The following RAP1GDS1 variants were observed in gnomAD, a reference collection of about 807,000 sequenced individuals.
The protein encoded by RAP1GDS1 is RAP1, GTP-GDP dissociation stimulator 1.
Under a neutral mutation model 71.1 loss-of-function variants are expected in RAP1GDS1, and 35 were observed. That is an observed-to-expected ratio of 0.49 (90% CI 0.38 to 0.65). RAP1GDS1 has a LOEUF of 0.65. Ranked by LOEUF, RAP1GDS1 falls within the 30% of genes least tolerant of loss-of-function variation. The pLI, the probability that RAP1GDS1 is intolerant of heterozygous loss-of-function variation, is 0.00. For missense variants in RAP1GDS1, 663 were observed against 706.1 expected (o/e 0.94, Z 0.69); for synonymous variants, 229 against 243.1 (o/e 0.94, Z 0.54).
intron 6 of RAP1GDS1, among the ~76,000 whole-genome samples, chr4:98,393,870 A>ATGTT (rs1416161661): frequency 6.6e-6 from 1 of 152,154 alleles, no homozygotes; most frequent in Non-Finnish European, 1.5e-5. Context: ...AAATATTAAA[A>ATGTT]TGTTTACTTT....
intron 3 of RAP1GDS1, among the ~76,000 whole-genome samples, chr4:98,343,777 A>G (rs1373420287): frequency 6.6e-6 from 1 of 152,184 alleles, no homozygotes; most frequent in East Asian, 1.9e-4. Flanking sequence ...TAATGACAAC[A>G]AAGTTTAGAT....
chr4:98,429,395 G>A (rs1750083908), intron 12 of RAP1GDS1, among the ~76,000 whole-genome samples: 1 of 152,128 alleles, frequency 6.6e-6, no homozygotes, highest in Non-Finnish European at 1.5e-5. Context: ...CTGACTCAGG[G>A]GTGGAAACCC....
chr4:98,293,537 C>A, intron 2 of RAP1GDS1, 22 bp downstream of exon 2: 1 of 1,544,794 alleles, frequency 6.5e-7, no homozygotes, highest in African/African-American at 1.4e-5. Context: ...TATGTTTACT[C>A]AAATTCCAAA....
At chr4:98,336,773 C>T (rs984876284) in intron 2 of RAP1GDS1, among the ~76,000 whole-genome samples, 12 of 152,102 alleles carry the variant, frequency 7.9e-5, no homozygotes, top group Admixed American at 7.9e-4. Flanking sequence ...CCACTGCAAA[C>T]ACTTTCATTT....
chr4:98,279,031 G>A (rs1724649247), intron 1 of RAP1GDS1, among the ~76,000 whole-genome samples: 1 of 152,074 alleles, frequency 6.6e-6, no homozygotes, highest in Non-Finnish European at 1.5e-5. Context: ...GATCATCCTG[G>A]CTGACATAGT....
chr4:98,269,264 A>G (rs904697713), intron 1 of RAP1GDS1, among the ~76,000 whole-genome samples: 5 of 152,008 alleles, frequency 3.3e-5, no homozygotes, highest in African/African-American at 1.2e-4. Flanking sequence ...AGATACCCAC[A>G]TACTGAAGAA....
At chr4:98,325,441 T>A (rs1316747361) in intron 2 of RAP1GDS1, among the ~76,000 whole-genome samples, 2 of 151,832 alleles carry the variant, frequency 1.3e-5, no homozygotes, top group Admixed American at 6.6e-5. Flanking sequence ...CAAATGACTA[T>A]AAATCATGCT....
intron 5 of RAP1GDS1, 150 bp from the exon 6 acceptor site, chr4:98,391,802 A>T (rs1398793135): frequency 1.3e-6 from 1 of 761,834 alleles, no homozygotes; most frequent in Non-Finnish European, 2.0e-6. Context: ...TGTTCAACAC[A>T]ATCATATGAA....
At position 98,437,765 on chromosome 4, in the gene RAP1GDS1, C is replaced by G. The variant is rs542512171; in HGVS notation, c.1696+697C>G. Among the ~76,000 whole-genome samples, 17 of 148,320 alleles carry G rather than the reference C, an allele frequency of 1.1e-4. No individual in the cohort carries two copies. The East Asian group carries it at 3.3e-3, about 29-fold the overall frequency. ...GAGATTGTGCCACTGTACTTCCAGA[C>G]TAGGCAACAGAACAAGACTCTGTCT... On this transcript the variant is annotated intron_variant, in intron 14 of 14. Transcript: ENST00000408927.
intron 4 of RAP1GDS1, among the ~76,000 whole-genome samples, chr4:98,376,954 G>A (rs967748204): frequency 1.6e-4 from 24 of 151,882 alleles, no homozygotes; most frequent in Admixed American, 4.6e-4. Context: ...TGTTGAATAA[G>A]TTTGTATTTT....
chr4:98,281,022 A>G (rs528057446), intron 1 of RAP1GDS1, among the ~76,000 whole-genome samples: 1 of 152,264 alleles, frequency 6.6e-6, no homozygotes, highest in South Asian at 2.1e-4. Context: ...GCCTTGTAGT[A>G]TAGTTTGAAG....
In RAP1GDS1 at chr4:98,392,030, C is replaced by G. The variant is rs766000610; in HGVS notation, c.587C>G (p.Ala196Gly). The G allele has an allele frequency of 6.2e-7, 1 of 1,612,676 alleles. No homozygotes were observed. Among genetic ancestry groups the G allele is most frequent in the Non-Finnish European group, 8.5e-7 (1 of 1,179,210 alleles). ...VKLLGIHCQN[A>G]ALTEMCLVAF... ...TTACTGGGCATCCACTGCCAAAATG[C>G]AGCTCTTACAGAAATGTGTCTTGTT... The change falls in exon 6 of 15, where the codon GCA (alanine) becomes GGA (glycine). Residue 196 changes from alanine to glycine, a missense_variant. Transcript: ENST00000408927.
rs1014866239 is a variant in RAP1GDS1, at chr4:98,442,963, C to T, written c.*846C>T. 2.3e-5 allele frequency: 5 copies of T among 215,228 alleles called. No individual in the cohort carries two copies. The highest frequency in any genetic ancestry group is 7.2e-5 in the African/African-American group (3 of 41,916). The allele number at this position is 215,228 out of a possible 1,614,324, so 13.3% of individuals were successfully genotyped here. A position where few individuals can be genotyped will look rare whatever the true frequency, so the allele number is the denominator to read the frequency against. On this transcript the variant is annotated 3_prime_UTR_variant, in exon 15 of 15. Transcript: ENST00000408927. ...GCACTTGTCTTTAAAATTCATTTGG[C>T]GCTTGTTTGTTTTCAACTGAGGAAA...
chr4:98,288,766 A>G (rs556849184), intron 1 of RAP1GDS1, among the ~76,000 whole-genome samples: 8 of 152,182 alleles, frequency 5.3e-5, no homozygotes, highest in South Asian at 4.2e-4. Flanking sequence ...TTTGATTTGC[A>G]TTTCTCTTAA....
chr4:98,328,971 G>A (rs1015963355), intron 2 of RAP1GDS1, among the ~76,000 whole-genome samples: 4 of 152,354 alleles, frequency 2.6e-5, no homozygotes, highest in Admixed American at 2.0e-4. Context: ...ACACTCTTAA[G>A]GTTCCTGAGC....
At chr4:98,302,406 A>G (rs1205859198) in intron 2 of RAP1GDS1, among the ~76,000 whole-genome samples, 3 of 152,214 alleles carry the variant, frequency 2.0e-5, no homozygotes, top group Non-Finnish European at 4.4e-5. Flanking sequence ...GAAAATTTAA[A>G]AAGGGGCATT....
chr4:98,397,179 A>T (rs944542711), intron 6 of RAP1GDS1, among the ~76,000 whole-genome samples: 3 of 151,608 alleles, frequency 2.0e-5, no homozygotes, highest in African/African-American at 4.8e-5. Context: ...TAACCATGGA[A>T]TTTTTTTTTG....
intron 2 of RAP1GDS1, among the ~76,000 whole-genome samples, chr4:98,327,567 T>G (rs1733330252): frequency 6.6e-6 from 1 of 152,188 alleles, no homozygotes; most frequent in African/African-American, 2.4e-5. Context: ...TTTGTTAGGA[T>G]TTTTTTGTTT....
intron 4 of RAP1GDS1, among the ~76,000 whole-genome samples, chr4:98,371,649 G>A (rs892998130): frequency 1.3e-5 from 2 of 151,428 alleles, no homozygotes; most frequent in Non-Finnish European, 2.9e-5. Context: ...GCTAGTTTTT[G>A]TATTTTTAGT....
Sources: gnomAD v4.1 joint callset for allele counts (sites outside exome capture counted in the v4.1 genomes callset) on GRCh38, gnomAD v4.1.1 for gene constraint, MANE v1.5 for transcripts, NCBI Gene and HGNC (gene_info 2026-07-23, HGNC 2026-07-21) for gene names.